The following TSN variants were observed in gnomAD, a reference collection of about 807,000 sequenced individuals.
TSN encodes component 3 of promoter of RISC.
In TSN, 5 loss-of-function variants were observed where a neutral mutation model predicts 29.4. That is an observed-to-expected ratio of 0.17 (90% CI 0.09 to 0.36). The LOEUF is 0.36. Ranked by LOEUF, TSN falls within the 10% of genes least tolerant of loss-of-function variation. TSN has a pLI of 1.00. For missense variants in TSN, 159 were observed against 272.8 expected (o/e 0.58, Z 2.94); for synonymous variants, 106 against 102.2 (o/e 1.04, Z -0.23).
rs1439844206 is a variant in TSN, at chr2:121,755,778, C to G, written c.-2C>G. 11 of 1,613,682 alleles carry G rather than the reference C, an allele frequency of 6.8e-6. No individual in the cohort carries two copies. The highest frequency in any genetic ancestry group is 6.8e-6 in the Non-Finnish European group (8 of 1,180,042). ...CTGGCTGATTGTTGTGCAGCCGGCG[C>G]CATGTCTGTGAGCGAGATCTTCGTG... On this transcript the variant is annotated 5_prime_UTR_variant, in exon 1 of 6. Coordinates refer to ENST00000389682, the MANE Select transcript of TSN (RefSeq NM_004622.3).
chr2:121,766,620 G>A lies in TSN; in HGVS notation c.*1253G>A, dbSNP rs770940975. The A allele has an allele frequency of 3.3e-5, 5 of 152,146 alleles. No individual in the cohort carries two copies. The highest frequency in any genetic ancestry group is 7.3e-5 in the Non-Finnish European group (5 of 68,028). The allele number at this position is 152,146 out of a possible 1,614,324, so 9.4% of individuals were successfully genotyped here. ...CTTCCCCACACGCCCCAATTTTCAG[G>A]TAGTACTAAGAGTATGTGCCAGGAA... On this transcript the variant is annotated 3_prime_UTR_variant, in exon 6 of 6. Coordinates refer to ENST00000389682, the MANE Select transcript of TSN (RefSeq NM_004622.3).
rs1330999216 is a variant in TSN, at chr2:121,767,155, A to G, written c.*1788A>G. ...AGAAGTTGTGGATTTCAGTTTTAAC[A>G]AATGCTATTAAAGTGGAGAAGCACA... On this transcript the variant is annotated 3_prime_UTR_variant, in exon 6 of 6. Coordinates refer to ENST00000389682, the MANE Select transcript of TSN (RefSeq NM_004622.3). 3 of 152,240 alleles carry G rather than the reference A, an allele frequency of 2.0e-5. No individual in the cohort carries two copies. Among genetic ancestry groups the G allele is most frequent in the Non-Finnish European group, 2.9e-5 (2 of 68,040 alleles). 9.4% of individuals were successfully genotyped at this position (152,240 alleles called of 1,614,324 possible).
Position 121,765,307 on chromosome 2 carries a change from C to T in TSN, c.627C>T (p.Val209=). The T allele has an allele frequency of 6.2e-7, 1 of 1,614,206 alleles. No homozygotes were observed. Among genetic ancestry groups the T allele is most frequent in the Non-Finnish European group, 8.5e-7 (1 of 1,180,034 alleles). The change falls in exon 6 of 6, where the codon GTC becomes GTT. Residue 209 remains valine (V), a synonymous_variant. Coordinates refer to ENST00000389682, the MANE Select transcript of TSN (RefSeq NM_004622.3). ...ACGTGAAGAAAGTAGAGGAAGTGGT[C>T]TATGATCTCTCCATCCGGGGCTTTA... ...KYDVKKVEEV[V]YDLSIRGFNK...
intron 1 of TSN, 140 bp downstream of exon 1, chr2:121,755,985 G>T (rs1419847533): frequency 6.1e-6 from 9 of 1,477,020 alleles, no homozygotes; most frequent in Middle Eastern, 2.4e-4. Context: ...TTTAGGTTAG[G>T]CACTCCCCGC....
At chr2:121,763,172 C>A in intron 5 of TSN, 88 bp downstream of exon 5, 1 of 969,512 alleles carries the variant, frequency 1.0e-6, no homozygotes, top group Non-Finnish European at 1.5e-6. Flanking sequence ...AGACAGAGTC[C>A]CGCTCTGTCG....
rs1286882361 is a variant in TSN at position 121,763,196 on chromosome 2, G to A, written c.453+112G>A. On this transcript the variant is annotated intron_variant, in intron 5 of 5. Coordinates refer to ENST00000389682, the MANE Select transcript of TSN (RefSeq NM_004622.3). ...CCCGCTCTGTCGCCTAGGCTGGAGT[G>A]CAGTGGCGCAATCTCGGCTCACTGC... is the stretch of plus-strand genomic sequence containing the variant. 5 of 717,480 alleles carry A rather than the reference G, an allele frequency of 7.0e-6. No homozygotes were observed. The African/African-American group carries it at 7.9e-5, about 11-fold the overall frequency. 44.4% of individuals were successfully genotyped at this position (717,480 alleles called of 1,614,324 possible).
chr2:121,764,875 T>C (rs1319011895), intron 5 of TSN, among the ~76,000 whole-genome samples: 2 of 152,250 alleles, frequency 1.3e-5, no homozygotes, highest in Admixed American at 1.3e-4. Context: ...TGTAACACTT[T>C]ATTATGCAAT....
In TSN at chr2:121,758,823, G is replaced by A; in HGVS notation, c.257+17G>A. The A allele has an allele frequency of 1.4e-6, 2 of 1,468,180 alleles. No individual in the cohort carries two copies. The highest frequency in any genetic ancestry group is 1.4e-5 in the South Asian group (1 of 69,252). The allele number at this position is 1,468,180 out of a possible 1,614,324, so 90.9% of individuals were successfully genotyped here. ...GTATTACAGGTTTGTAAGAAAAATA[G>A]CATTATTTTATAATGTTAAGTAAAA... On this transcript the variant is annotated intron_variant, in intron 3 of 5. Transcript: ENST00000389682.
chr2:121,762,881 A>G, intron 4 of TSN, 124 bp from the exon 5 acceptor site: 1 of 914,906 alleles, frequency 1.1e-6, no homozygotes, highest in Non-Finnish European at 1.6e-6. Context: ...GAATATATTA[A>G]AAAGCCAGTT....
At chr2:121,756,043 C>A in intron 1 of TSN, 198 bp downstream of exon 1, 1 of 1,113,148 alleles carries the variant, frequency 9.0e-7, no homozygotes, top group Non-Finnish European at 1.2e-6. Flanking sequence ...GTGTTCGAGT[C>A]TCAGCTTCTC....
At chr2:121,761,770 TTAAATC>T (rs1416278884) in intron 4 of TSN, among the ~76,000 whole-genome samples, 1 of 152,206 alleles carries the variant, frequency 6.6e-6, no homozygotes, top group African/African-American at 2.4e-5. Context: ...CCCACATACT[TTAAATC>T]ATCTCTAGAT....
intron 1 of TSN, chr2:121,756,049 T>C: frequency 1.3e-5 from 15 of 1,111,380 alleles, no homozygotes; most frequent in Non-Finnish European, 1.9e-5. Flanking sequence ...GAGTCTCAGC[T>C]TCTCAGCATC....
At position 121,765,921 on chromosome 2, in the gene TSN, C is replaced by G. The variant is rs1313666402; in HGVS notation, c.*554C>G. On this transcript the variant is annotated 3_prime_UTR_variant, in exon 6 of 6. Coordinates refer to ENST00000389682, the MANE Select transcript of TSN (RefSeq NM_004622.3). ...AGGGAATTATAGCTGCAGGTTCTCT[C>G]TCACTGCCATCAAACTGTAAAAGAT... is the stretch of plus-strand genomic sequence containing the variant. 1 of 152,892 alleles carries G rather than the reference C, an allele frequency of 6.5e-6. No individual in the cohort carries two copies. Among genetic ancestry groups the G allele is most frequent in the East Asian group, 1.9e-4 (1 of 5,208 alleles). 9.5% of individuals were successfully genotyped at this position (152,892 alleles called of 1,614,324 possible). A position where few individuals can be genotyped will look rare whatever the true frequency, so the allele number is the denominator to read the frequency against.
chr2:121,765,539 T>TA lies in TSN; in HGVS notation c.*173dup. On this transcript the variant is annotated 3_prime_UTR_variant, in exon 6 of 6. Transcript: ENST00000389682. ...GAAACACTTTTTTGGGGGTAAAAAA[T>TA]ATAGCCTTTACATGGACAGAATTTT... 1 of 639,272 alleles carries TA rather than the reference T, an allele frequency of 1.6e-6. No individual in the cohort carries two copies. The highest frequency in any genetic ancestry group is 2.7e-6 in the Non-Finnish European group (1 of 373,890). The allele number at this position is 639,272 out of a possible 1,614,324, so 39.6% of individuals were successfully genotyped here.
chr2:121,765,295 A>G lies in TSN; in HGVS notation c.615A>G (p.Val205=), dbSNP rs1241393149. 1.2e-6 allele frequency: 2 copies of G among 1,614,124 alleles called. No individual in the cohort carries two copies. The highest frequency in any genetic ancestry group is 3.3e-5 in the Admixed American group (2 of 60,008). ...GATTGAAATATGACGTGAAGAAAGT[A>G]GAGGAAGTGGTCTATGATCTCTCCA... ...YDGLKYDVKK[V]EEVVYDLSIR... Residue 205 remains valine, a synonymous_variant, in exon 6 of 6, where the codon GTA becomes GTG. Coordinates refer to ENST00000389682, the MANE Select transcript of TSN (RefSeq NM_004622.3).
chr2:121,756,884 G>C (rs1183886314), intron 1 of TSN, among the ~76,000 whole-genome samples: 2 of 151,568 alleles, frequency 1.3e-5, no homozygotes, highest in Non-Finnish European at 2.9e-5. Context: ...ACTCCAGCCT[G>C]GGTGACAGAG....
intron 4 of TSN, among the ~76,000 whole-genome samples, chr2:121,762,616 A>G (rs532456720): frequency 6.6e-6 from 1 of 152,354 alleles, no homozygotes; most frequent in Admixed American, 6.5e-5. Flanking sequence ...TTTACATGCC[A>G]CTTAGATTTA....
intron 5 of TSN, 106 bp from the exon 6 acceptor site, chr2:121,765,028 A>G: frequency 2.1e-6 from 2 of 948,758 alleles, no homozygotes; most frequent in East Asian, 4.8e-5. Context: ...ATAGAAGATC[A>G]GCGTGGCTGT....
chr2:121,758,977 C>T (rs1227538928), intron 3 of TSN, among the ~76,000 whole-genome samples, 171 bp downstream of exon 3: 1 of 152,054 alleles, frequency 6.6e-6, no homozygotes, highest in Non-Finnish European at 1.5e-5. Flanking sequence ...TTATTTTTTT[C>T]TTCTTTTTAC....
Sources: allele counts gnomAD v4.1 joint callset (sites outside exome capture counted in the v4.1 genomes callset), GRCh38; gene constraint gnomAD v4.1.1; transcripts MANE v1.5; gene names NCBI Gene and HGNC (gene_info 2026-07-23, HGNC 2026-07-21).